Variants in GALK2 observed in about 807,000 individuals in gnomAD.
GALK2 encodes the protein N-acetylgalactosamine kinase.
Under a neutral mutation model 52.4 loss-of-function variants are expected in GALK2, and 36 were observed. The observed-to-expected ratio is 0.69, with a 90% CI of 0.53 to 0.91. The LOEUF (loss-of-function observed/expected upper bound fraction) is 0.91, where lower values mean the gene tolerates loss of function less well. Ranked by LOEUF, GALK2 falls within the 40% of genes least tolerant of loss-of-function variation. The pLI, the probability that GALK2 is intolerant of heterozygous loss-of-function variation, is 0.00. For missense variants in GALK2, 579 were observed against 559.1 expected, an observed-to-expected ratio of 1.04 and a Z score of -0.36; for synonymous variants, 176 against 199.1, an observed-to-expected ratio of 0.88 and a Z score of 0.98.
intron 3 of GALK2, chr15:49,235,506 C>A: frequency 2.5e-6 from 1 of 401,980 alleles, no homozygotes; most frequent in South Asian, 2.0e-5. Context: ...GGGGGTGTGC[C>A]AAACAGCAGG....
At chr15:49,344,029 T>A (rs1185822152) in intron 3 of GALK2, 1 of 152,250 alleles carries the variant, frequency 6.6e-6, no homozygotes, top group South Asian at 2.1e-4. Context: ...TAATAAACAT[T>A]CAACATTAAC....
intron 5 of GALK2, among the ~76,000 whole-genome samples, chr15:49,241,724 C>T (rs1224047878): frequency 6.6e-6 from 1 of 152,122 alleles, no homozygotes; most frequent in Non-Finnish European, 1.5e-5. Context: ...GAATTCATTT[C>T]ACTTTTAATG....
chr15:49,366,147 C>A, intron 3 of GALK2: 1 of 982,734 alleles, frequency 1.0e-6, no homozygotes, highest in Non-Finnish European at 1.7e-6. Context: ...ACAGTGAACA[C>A]AGCAATTACA....
intron 8 of GALK2, among the ~76,000 whole-genome samples, chr15:49,317,805 AG>A (rs2036540831): frequency 6.6e-6 from 1 of 152,194 alleles, no homozygotes; most frequent in Admixed American, 6.5e-5. Flanking sequence ...AAACTAACAC[AG>A]GAGCAGAAAA....
At chr15:49,315,631 ATGCCCTTTC>A (rs2036342469) in intron 8 of GALK2, among the ~76,000 whole-genome samples, 1 of 152,222 alleles carries the variant, frequency 6.6e-6, no homozygotes. Context: ...TTGAAAACAG[ATGCCCTTTC>A]TGCCCTTTCC....
chr15:49,367,346 A>T, intron 3 of GALK2: 1 of 1,067,938 alleles, frequency 9.4e-7, no homozygotes, highest in Non-Finnish European at 1.3e-6. Flanking sequence ...AGCATTGATA[A>T]AACATGCATT....
intron 5 of GALK2, among the ~76,000 whole-genome samples, chr15:49,278,664 A>G (rs1368694384): frequency 2.6e-5 from 4 of 152,162 alleles, no homozygotes; most frequent in African/African-American, 9.7e-5. Context: ...GGTTAAGATT[A>G]TGGGTGCTGG....
intron 5 of GALK2, among the ~76,000 whole-genome samples, chr15:49,266,509 T>C (rs2092366667): frequency 6.6e-6 from 1 of 152,230 alleles, no homozygotes; most frequent in Admixed American, 6.5e-5. Context: ...TTTGCTTGTC[T>C]GTTTCATTCT....
chr15:49,320,726 T>C (rs2151086947), intron 9 of GALK2, among the ~76,000 whole-genome samples: 2 of 152,364 alleles, frequency 1.3e-5, no homozygotes, highest in Middle Eastern at 6.8e-3. Context: ...ACAGCATTGA[T>C]GAAGATCACT....
chr15:49,303,298 G>T (rs1041346460), intron 8 of GALK2, among the ~76,000 whole-genome samples: 9 of 152,164 alleles, frequency 5.9e-5, no homozygotes, highest in African/African-American at 2.2e-4. Flanking sequence ...TATTAAGTAG[G>T]ATTTTTAAAG....
intron 2 of GALK2, among the ~76,000 whole-genome samples, chr15:49,208,409 C>T (rs1166515437): frequency 1.3e-5 from 2 of 152,190 alleles, no homozygotes; most frequent in African/African-American, 4.8e-5. Context: ...TCATTTTTGA[C>T]TCAATGCTCA....
rs879854193 is a variant in GALK2 at position 49,193,734 on chromosome 15, AT to A, written c.54-7417del. ...TCTGTTTTTTTATTTTTTTATTTTT[AT>A]TTTTTTTTTTGAGATGGAGTCTCAT... On this transcript the variant is annotated intron_variant, in intron 1 of 9. Coordinates refer to ENST00000560031, the MANE Select transcript of GALK2 (RefSeq NM_002044.4). Among the ~76,000 whole-genome samples the A allele has an allele frequency of 4.2e-4, 60 of 144,458 alleles. 1 individual carries two copies. Among genetic ancestry groups the A allele is most frequent in the South Asian group, 3.3e-3 (15 of 4,536 alleles). The allele number at this position is 144,458 out of a possible 152,430, so 94.8% of individuals were successfully genotyped here. A position where few individuals can be genotyped will look rare whatever the true frequency, so the allele number is the denominator to read the frequency against.
At chr15:49,266,341 A>G (rs929330816) in intron 5 of GALK2, among the ~76,000 whole-genome samples, 1 of 152,126 alleles carries the variant, frequency 6.6e-6, no homozygotes, top group Non-Finnish European at 1.5e-5. Flanking sequence ...TCATCTTTTG[A>G]TGGGTGGAAC....
chr15:49,360,907 A>T (rs1240616508), intron 3 of GALK2, among the ~76,000 whole-genome samples: 1 of 152,148 alleles, frequency 6.6e-6, no homozygotes, highest in Admixed American at 6.5e-5. Flanking sequence ...CTCTCCATAC[A>T]TACCTCCAGT....
intron 1 of GALK2, among the ~76,000 whole-genome samples, chr15:49,182,666 T>C (rs2086062391): frequency 6.6e-6 from 1 of 152,240 alleles, no homozygotes; most frequent in East Asian, 1.9e-4. Flanking sequence ...TTATCTTTTT[T>C]TTGGATAAAA....
intron 3 of GALK2, among the ~76,000 whole-genome samples, chr15:49,357,563 C>G (rs1195244661): frequency 6.6e-6 from 1 of 151,496 alleles, no homozygotes; most frequent in Non-Finnish European, 1.5e-5. Flanking sequence ...CTGAACAGAC[C>G]AATAACAGGA....
intron 5 of GALK2, among the ~76,000 whole-genome samples, chr15:49,267,289 A>G (rs2092393822): frequency 6.6e-6 from 1 of 152,188 alleles, no homozygotes; most frequent in African/African-American, 2.4e-5. Flanking sequence ...TTCTTGCTGA[A>G]TGCAGGCCAA....
At position 49,328,559 on chromosome 15, in the gene GALK2, T is replaced by C; in HGVS notation, c.*400T>C. 2 of 1,606,188 alleles carry C rather than the reference T, an allele frequency of 1.2e-6. No homozygotes were observed. The highest frequency in any genetic ancestry group is 1.1e-5 in the South Asian group (1 of 90,042). ...ATTATTCTTGAATAGAGTTCATTTC[T>C]GGTTTCTCTTAGTATTCTTCTTCCT... On this transcript the variant is annotated 3_prime_UTR_variant, in exon 10 of 10. Transcript: ENST00000560031.
intron 5 of GALK2, among the ~76,000 whole-genome samples, chr15:49,261,626 G>T (rs1463597625): frequency 3.3e-5 from 5 of 151,162 alleles, no homozygotes; most frequent in Non-Finnish European, 7.4e-5. Context: ...TGGTGAGAGA[G>T]GGCATCCCTG....
Sources: allele counts gnomAD v4.1 joint callset (sites outside exome capture counted in the v4.1 genomes callset), GRCh38; gene constraint gnomAD v4.1.1; transcripts MANE v1.5; gene names NCBI Gene and HGNC (gene_info 2026-07-23, HGNC 2026-07-21).